Variants in GPM6B observed in about 807,000 individuals in gnomAD.
GPM6B encodes the protein neuronal membrane glycoprotein M6-b.
A neutral mutation model predicts 27.2 loss-of-function variants in GPM6B; 4 were observed. That is an observed-to-expected ratio of 0.15 (90% CI 0.07 to 0.34). The LOEUF (loss-of-function observed/expected upper bound fraction) is 0.34. Among genes scored for constraint, GPM6B ranks in the 10% least tolerant of loss-of-function variants. The probability of loss-of-function intolerance (pLI) is 1.00; values close to 1 mark genes in which losing one functional copy is unlikely to be tolerated. For missense variants in GPM6B, 183 were observed against 261.9 expected (o/e 0.70, Z 2.08); for synonymous variants, 124 against 103.1 (o/e 1.20, Z -1.23).
intron 1 of GPM6B, among the ~76,000 whole-genome samples, chrX:13,866,004 A>G (rs1275075723): frequency 9.0e-6 from 1 of 111,229 alleles, no homozygotes; most frequent in Non-Finnish European, 1.9e-5. Flanking sequence ...TTGAGCTCAT[A>G]AAAGTAGAGA....
At chrX:13,890,484 G>T (rs1057390642) in intron 1 of GPM6B, among the ~76,000 whole-genome samples, 5 of 111,458 alleles carry the variant, frequency 4.5e-5, no homozygotes, top group Non-Finnish European at 9.4e-5. Flanking sequence ...CCTCTCTTGG[G>T]ATCTGGATTG....
intron 1 of GPM6B, among the ~76,000 whole-genome samples, chrX:13,877,505 G>A (rs1444386259): frequency 9.1e-6 from 1 of 110,093 alleles, no homozygotes; most frequent in Non-Finnish European, 1.9e-5. Context: ...TGGGTCCTTT[G>A]CATCACTTGA....
chrX:13,821,684 C>A (rs1247265145), upstream of GPM6B, among the ~76,000 whole-genome samples: 1 of 111,739 alleles, frequency 8.9e-6, no homozygotes, highest in African/African-American at 3.3e-5. Flanking sequence ...GCAACCTCCG[C>A]CTCCCGGGTT....
At chrX:13,836,549 A>T (rs538278808) in intron 1 of GPM6B, among the ~76,000 whole-genome samples, 1 of 112,190 alleles carries the variant, frequency 8.9e-6, no homozygotes, top group African/African-American at 3.2e-5. Flanking sequence ...AGAAGCAAAG[A>T]TGCTATGTTT....
chrX:13,808,113 G>A, intron 1 of GPM6B, among the ~76,000 whole-genome samples: 1 of 103,813 alleles, frequency 9.6e-6, no homozygotes, highest in Admixed American at 9.9e-5. Context: ...GACCAACAGA[G>A]CACTAACAGA....
At position 13,775,350 on chromosome X, in the gene GPM6B, C is replaced by G. The variant is rs150812808; in HGVS notation, c.837+888G>C. ...GGTGAAAGTTGAGTTGCCCGGTATGCACATTCCCAGCTGAGGCTGAACAAG... is the reference window on the plus strand; with the variant it reads ...GGTGAAAGTTGAGTTGCCCGGTATGGACATTCCCAGCTGAGGCTGAACAAG... On this transcript the variant is annotated intron_variant, in intron 7 of 7. Coordinates refer to ENST00000316715, the MANE Select transcript of GPM6B (RefSeq NM_001001995.3). Among the ~76,000 whole-genome samples the G allele has an allele frequency of 2.7e-3, 303 of 113,202 alleles. 3 individuals are homozygous for G. The highest frequency in any genetic ancestry group is 9.3e-3 in the African/African-American group (291 of 31,230).
At chrX:13,934,762 A>T (rs1278565537) in intron 1 of GPM6B, among the ~76,000 whole-genome samples, 1 of 112,419 alleles carries the variant, frequency 8.9e-6, no homozygotes, top group Non-Finnish European at 1.9e-5. Context: ...TAAAGACCCA[A>T]AGAAATAATT....
At chrX:13,925,658 G>C (rs1260328807) in intron 1 of GPM6B, among the ~76,000 whole-genome samples, 1 of 110,518 alleles carries the variant, frequency 9.0e-6, no homozygotes, top group Non-Finnish European at 1.9e-5. Flanking sequence ...ATTTTTAAAG[G>C]TATGCAAAAA....
At chrX:13,868,165 A>T (rs746919722) in intron 1 of GPM6B, among the ~76,000 whole-genome samples, 57 of 96,806 alleles carry the variant, frequency 5.9e-4, no homozygotes, top group Non-Finnish European at 1.1e-3. Context: ...CCAGAAAGTC[A>T]AAAGTTGCTC....
chrX:13,773,865 C>G (rs1173293074), intron 7 of GPM6B: 2 of 430,678 alleles, frequency 4.6e-6, no homozygotes, highest in Admixed American at 2.0e-4. Flanking sequence ...TATTACTTAC[C>G]AAAACACACA....
At chrX:13,840,570 A>G (rs1158597411) in intron 1 of GPM6B, among the ~76,000 whole-genome samples, 1 of 111,715 alleles carries the variant, frequency 9.0e-6, no homozygotes, top group East Asian at 2.8e-4. Context: ...TCCCTAGAGC[A>G]GTTGCCCAAG....
chrX:13,863,209 C>T (rs1020098977), intron 1 of GPM6B, among the ~76,000 whole-genome samples: 3 of 111,442 alleles, frequency 2.7e-5, no homozygotes, highest in Non-Finnish European at 3.8e-5. Context: ...AAACACCCTC[C>T]GGGGCAATCT....
chrX:13,903,285 G>A (rs755153270), intron 1 of GPM6B, among the ~76,000 whole-genome samples: 6 of 111,634 alleles, frequency 5.4e-5, no homozygotes, highest in South Asian at 3.8e-4. Flanking sequence ...AACCCCCAGC[G>A]CCCAACCATC....
At chrX:13,908,603 C>CTTGGA (rs2050350382) in intron 1 of GPM6B, among the ~76,000 whole-genome samples, 1 of 112,286 alleles carries the variant, frequency 8.9e-6, no homozygotes, top group Admixed American at 9.5e-5. Context: ...CAAGTAAATG[C>CTTGGA]TATAGTTACT....
At chrX:13,885,645 C>T (rs1230956856) in intron 1 of GPM6B, among the ~76,000 whole-genome samples, 3 of 111,257 alleles carry the variant, frequency 2.7e-5, no homozygotes, top group Non-Finnish European at 5.7e-5. Context: ...CCACCCGCTT[C>T]GGAAGGATGC....
intron 1 of GPM6B, among the ~76,000 whole-genome samples, chrX:13,881,368 G>A (rs2050095800): frequency 9.0e-6 from 1 of 111,209 alleles, no homozygotes; most frequent in Non-Finnish European, 1.9e-5. Context: ...AAAAAATAGC[G>A]TGGCATGGTG....
intron 2 of GPM6B, among the ~76,000 whole-genome samples, chrX:13,795,202 C>A (rs2048787349): frequency 8.9e-6 from 1 of 112,035 alleles, no homozygotes; most frequent in Admixed American, 9.4e-5. Context: ...ACTCAGAGAA[C>A]CAATATTTTC....
At chrX:13,934,177 T>TGTTTACTCAAA (rs1921715304) in intron 1 of GPM6B, among the ~76,000 whole-genome samples, 1 of 111,165 alleles carries the variant, frequency 9.0e-6, no homozygotes, top group Non-Finnish European at 1.9e-5. Context: ...GGTATTCGAC[T>TGTTTACTCAAA]ATGAGGTTTA....
chrX:13,792,232 G>A (rs924013802), intron 2 of GPM6B, among the ~76,000 whole-genome samples: 17 of 111,390 alleles, frequency 1.5e-4, no homozygotes, highest in African/African-American at 5.6e-4. Flanking sequence ...CTGGGGGAGA[G>A]GGTGCTTCTG....
Sources: allele counts gnomAD v4.1 joint callset (sites outside exome capture counted in the v4.1 genomes callset), GRCh38; gene constraint gnomAD v4.1.1; transcripts MANE v1.5; gene names NCBI Gene and HGNC (gene_info 2026-07-23, HGNC 2026-07-21).